The following RANBP2 variants were observed in gnomAD, a reference collection of about 807,000 sequenced individuals.
RANBP2 encodes the protein RAN binding protein 2.
RANBP2 carries 57 observed loss-of-function variants against 303.6 expected under a neutral mutation model. The ratio of observed to expected loss-of-function variants is 0.19; its 90% CI spans 0.15 to 0.23. The LOEUF is 0.23. RANBP2 is among the 10% of genes least tolerant of loss of function. RANBP2 has a pLI of 1.00. For synonymous variants in RANBP2, 1,167 were observed against 1,301.5 expected (o/e 0.90, Z 2.23); for missense variants, 3,138 against 3,780.8 (o/e 0.83, Z 4.46).
At chr2:109,450,360 A>T in the RANBP2 span, among the ~76,000 whole-genome samples, 1 of 111,870 alleles carries the variant, frequency 8.9e-6, no homozygotes, top group African/African-American at 2.6e-5. Context: ...AAAAAAAAAG[A>T]AAAAGAAAGA....
the RANBP2 span, among the ~76,000 whole-genome samples, chr2:109,201,322 C>G: frequency 6.6e-6 from 1 of 152,374 alleles, no homozygotes; most frequent in East Asian, 1.9e-4. Context: ...ACAGGCCTCC[C>G]TGATCTGTGA....
At chr2:109,654,206 T>C in the RANBP2 span, among the ~76,000 whole-genome samples, 1 of 151,930 alleles carries the variant, frequency 6.6e-6, no homozygotes. Context: ...CAGGTCCCAC[T>C]ACCCCCACTA....
chr2:108,818,094 C>T, the RANBP2 span, among the ~76,000 whole-genome samples: 37 of 152,126 alleles, frequency 2.4e-4, no homozygotes, highest in Non-Finnish European at 5.3e-4. Flanking sequence ...TTGCTTGAGC[C>T]TAGGGGTTTG....
chr2:109,213,801 T>A, the RANBP2 span, among the ~76,000 whole-genome samples: 1 of 151,972 alleles, frequency 6.6e-6, no homozygotes, highest in Non-Finnish European at 1.5e-5. Flanking sequence ...TGATAGGGTG[T>A]GGTGTGGTGT....
At chr2:109,018,631 C>T in the RANBP2 span, among the ~76,000 whole-genome samples, 6 of 152,226 alleles carry the variant, frequency 3.9e-5, no homozygotes, top group Non-Finnish European at 5.9e-5. Context: ...TAGGCTCTAG[C>T]TATGCTCCCA....
At chr2:108,986,414 T>C in the RANBP2 span, among the ~76,000 whole-genome samples, 1 of 152,168 alleles carries the variant, frequency 6.6e-6, no homozygotes, top group Non-Finnish European at 1.5e-5. Context: ...CTCTTATTTT[T>C]ATAATCCCTG....
At chr2:109,398,302 C>T in the RANBP2 span, among the ~76,000 whole-genome samples, 1 of 152,158 alleles carries the variant, frequency 6.6e-6, no homozygotes, top group Middle Eastern at 3.2e-3. Context: ...CAGAAATGGC[C>T]AGCAGTTGAA....
At chr2:108,926,742 G>C in the RANBP2 span, among the ~76,000 whole-genome samples, 3 of 152,250 alleles carry the variant, frequency 2.0e-5, no homozygotes, top group South Asian at 6.2e-4. Context: ...ACACTGTGGG[G>C]AGGGCGGAGC....
At chr2:109,615,691 A>T in the RANBP2 span, 1 of 1,614,008 alleles carries the variant, frequency 6.2e-7, no homozygotes, top group Admixed American at 1.7e-5. Context: ...GACGAGGGTG[A>T]CGGGGAAAGC....
the RANBP2 span, among the ~76,000 whole-genome samples, chr2:109,632,825 A>AC: frequency 7.9e-5 from 12 of 151,782 alleles, no homozygotes; most frequent in South Asian, 4.2e-4. Context: ...TCTCAAAAAA[A>AC]AAAACAAAAC....
chr2:109,073,452 A>G, the RANBP2 span, among the ~76,000 whole-genome samples: 6 of 152,074 alleles, frequency 3.9e-5, no homozygotes, highest in African/African-American at 1.4e-4. Context: ...GTGGATCACG[A>G]GGTCAGGAGA....
the RANBP2 span, among the ~76,000 whole-genome samples, chr2:109,005,900 C>A: frequency 6.6e-6 from 1 of 152,216 alleles, no homozygotes; most frequent in African/African-American, 2.4e-5. Flanking sequence ...TGGTGCCCAC[C>A]GCCTTTATCC....
the RANBP2 span, among the ~76,000 whole-genome samples, chr2:108,996,390 C>A: frequency 6.6e-6 from 1 of 152,168 alleles, no homozygotes; most frequent in Admixed American, 6.5e-5. Flanking sequence ...TCTACTCATG[C>A]CTTCAAGGTG....
chr2:109,583,617 A>G, the RANBP2 span, among the ~76,000 whole-genome samples: 6 of 152,166 alleles, frequency 3.9e-5, no homozygotes, highest in Non-Finnish European at 8.8e-5. Flanking sequence ...CTACCATTCG[A>G]CCCAGCTATT....
the RANBP2 span, among the ~76,000 whole-genome samples, chr2:108,934,991 C>T: frequency 2.6e-5 from 4 of 152,182 alleles, no homozygotes; most frequent in African/African-American, 9.7e-5. Context: ...AGTCGCCACC[C>T]AGCAGGTTCT....
the RANBP2 span, among the ~76,000 whole-genome samples, chr2:109,542,370 TAAG>T: frequency 6.6e-6 from 1 of 152,220 alleles, no homozygotes; most frequent in Admixed American, 6.5e-5. Context: ...GCCCTGCTGT[TAAG>T]TCTAGAGAGT....
At chr2:109,475,290 A>G in the RANBP2 span, among the ~76,000 whole-genome samples, 37 of 152,282 alleles carry the variant, frequency 2.4e-4, no homozygotes, top group East Asian at 6.4e-3. Flanking sequence ...GTATTATCTT[A>G]AATCTCCGAG....
chr2:109,554,610 A>AT, the RANBP2 span, among the ~76,000 whole-genome samples: 1 of 152,202 alleles, frequency 6.6e-6, no homozygotes, highest in Non-Finnish European at 1.5e-5. Context: ...AAACCTGTAG[A>AT]TACAGGGAGA....
At chr2:109,318,976 C>T in the RANBP2 span, among the ~76,000 whole-genome samples, 1 of 152,326 alleles carries the variant, frequency 6.6e-6, no homozygotes, top group East Asian at 1.9e-4. Flanking sequence ...TTTCAAGTGT[C>T]TGTCCCAGAA....
Sources: allele counts gnomAD v4.1 joint callset (sites outside exome capture counted in the v4.1 genomes callset), GRCh38; gene constraint gnomAD v4.1.1; transcripts MANE v1.5; gene names NCBI Gene and HGNC (gene_info 2026-07-23, HGNC 2026-07-21).